The following ELFN1 variants were observed in gnomAD, a reference collection of about 807,000 sequenced individuals.
ELFN1 encodes the protein protein ELFN1.
In ELFN1, 6 loss-of-function variants were observed where a neutral mutation model predicts 7.6. The observed-to-expected ratio is 0.79, with a 90% CI of 0.43 to 1.56. The LOEUF (loss-of-function observed/expected upper bound fraction) is 1.56. Among genes scored for constraint, ELFN1 ranks in the 40% most tolerant of loss-of-function variants. The probability of loss-of-function intolerance (pLI) is 0.01; values close to 1 mark genes in which losing one functional copy is unlikely to be tolerated. For missense variants in ELFN1, 1,169 were observed against 1,232.2 expected (o/e 0.95, Z 0.77); for synonymous variants, 657 against 588.1 (o/e 1.12, Z -1.70).
chr7:1,738,562 C>T (rs1272452105), intron 3 of ELFN1: 1 of 152,244 alleles, frequency 6.6e-6, no homozygotes, highest in African/African-American at 2.4e-5. Context: ...ATGATTGTAC[C>T]ACTGCACTCC....
chr7:1,737,981 C>G (rs1780496677), intron 3 of ELFN1, among the ~76,000 whole-genome samples: 1 of 152,236 alleles, frequency 6.6e-6, no homozygotes, highest in East Asian at 1.9e-4. Context: ...AGAGCTGTCC[C>G]AAGGTGGAAG....
upstream of ELFN1, among the ~76,000 whole-genome samples, chr7:1,668,267 G>T (rs1219628676): frequency 6.6e-6 from 1 of 152,362 alleles, no homozygotes; most frequent in East Asian, 1.9e-4. Context: ...CGAGGAAATG[G>T]ACTCATCATG....
At chr7:1,676,200 G>A (rs924631021) in intron 1 of ELFN1, among the ~76,000 whole-genome samples, 33 of 152,324 alleles carry the variant, frequency 2.2e-4, no homozygotes, top group Non-Finnish European at 1.6e-4. Context: ...CCCCCAGTCT[G>A]TTGTCTCCCT....
chr7:1,712,834 T>G (rs1779701789), intron 3 of ELFN1, among the ~76,000 whole-genome samples: 2 of 152,352 alleles, frequency 1.3e-5, no homozygotes, highest in Non-Finnish European at 2.9e-5. Flanking sequence ...CTTTTATCTC[T>G]TATCTTTTAT....
rs1780412542 is a variant in ELFN1, at chr7:1,735,209, C to A, written c.-293-9095C>A. ...GCACACCGGCGGACCGTCGAGGAAA[C>A]AGGAGCTTTTCTCTGTTGCACACTT... On this transcript the variant is annotated intron_variant, in intron 3 of 3. Coordinates refer to ENST00000424383, the MANE Select transcript of ELFN1 (RefSeq NM_001128636.4). The surrounding 1 kb of genome is among the most constrained non-coding windows in gnomAD (Gnocchi z 5.9). Among the ~76,000 whole-genome samples, 1 of 152,202 alleles carries A rather than the reference C, an allele frequency of 6.6e-6. No homozygotes were observed. The highest frequency in any genetic ancestry group is 1.5e-5 in the Non-Finnish European group (1 of 68,038).
chr7:1,707,371 C>T (rs1012001810), intron 2 of ELFN1, among the ~76,000 whole-genome samples: 43 of 152,258 alleles, frequency 2.8e-4, no homozygotes, highest in African/African-American at 8.0e-4. Flanking sequence ...GCTGGGTATA[C>T]AGTAGGCACT....
chr7:1,674,996 A>G (rs907959769), intron 1 of ELFN1, among the ~76,000 whole-genome samples: 5 of 104,302 alleles, frequency 4.8e-5, no homozygotes, highest in Non-Finnish European at 9.4e-5. Context: ...AGGCAGTGGT[A>G]TCTGGGCTCA....
chr7:1,698,997 G>A (rs1779371449), intron 2 of ELFN1, among the ~76,000 whole-genome samples: 1 of 152,204 alleles, frequency 6.6e-6, no homozygotes, highest in South Asian at 2.1e-4. Flanking sequence ...CGGCATAGCT[G>A]AATTTTGCCT....
intron 3 of ELFN1, among the ~76,000 whole-genome samples, chr7:1,725,776 C>G (rs1780174529): frequency 1.3e-5 from 2 of 152,156 alleles, no homozygotes; most frequent in South Asian, 4.1e-4. Context: ...GGCCAGAGAA[C>G]ATGCCCACAC....
chr7:1,667,492 C>A (rs920844184), upstream of ELFN1, among the ~76,000 whole-genome samples: 2 of 152,142 alleles, frequency 1.3e-5, no homozygotes, highest in African/African-American at 2.4e-5. The surrounding 1 kb of genome is among the most constrained non-coding windows in gnomAD (Gnocchi z 8.2). Flanking sequence ...CCGGCGTCCC[C>A]CCTTCAGCGT....
In ELFN1 at chr7:1,681,644, C is replaced by T. The variant is rs961182551; in HGVS notation, c.-548-6414C>T. On this transcript the variant is annotated intron_variant, in intron 1 of 3. Coordinates refer to ENST00000424383, the MANE Select transcript of ELFN1 (RefSeq NM_001128636.4). ...CTCCCAAAGTGTGTGCCACTGTGCC[C>T]GGCCATATTTAAATTCTTAACAAGC... is the stretch of plus-strand genomic sequence containing the variant. Among the ~76,000 whole-genome samples, 13 of 152,274 alleles carry T rather than the reference C, an allele frequency of 8.5e-5. No homozygotes were observed. In the East Asian group the frequency reaches 1.4e-3, roughly 16 times the overall value.
rs1172882699 is a variant in ELFN1, at chr7:1,746,246, T to C, written c.1650T>C (p.Ser550=). The C allele has an allele frequency of 2.8e-6, 4 of 1,413,378 alleles. No homozygotes were observed. Among genetic ancestry groups the C allele is most frequent in the African/African-American group, 1.9e-5 (1 of 53,320 alleles). 87.6% of individuals were successfully genotyped at this position (1,413,378 alleles called of 1,614,324 possible). A position where few individuals can be genotyped will look rare whatever the true frequency, so the allele number is the denominator to read the frequency against. ...ELGRPGPDSQ[S]SVAEISTIAK... is the part of the protein sequence containing the mutation. The stretch of plus-strand genomic sequence containing the variant: ...GCCGGCCGGGCCCCGACAGCCAGAG[T>C]TCGGTGGCCGAGATCTCCACCATCG... Residue 550 remains serine (S), a synonymous_variant, in exon 4 of 4, where the codon AGT becomes AGC. Transcript: ENST00000424383.
chr7:1,706,940 GT>G (rs1779544267), intron 2 of ELFN1, among the ~76,000 whole-genome samples: 2 of 152,186 alleles, frequency 1.3e-5, no homozygotes, highest in African/African-American at 4.8e-5. Flanking sequence ...GGGTGTGCCT[GT>G]GTCATTGAGT....
intron 2 of ELFN1, among the ~76,000 whole-genome samples, chr7:1,704,274 A>G (rs1170117749): frequency 2.0e-5 from 3 of 152,122 alleles, no homozygotes; most frequent in African/African-American, 7.2e-5. Context: ...GCACCGATGG[A>G]GGCCATACTC....
chr7:1,669,683 A>G (rs1778722152), upstream of ELFN1, among the ~76,000 whole-genome samples: 1 of 152,226 alleles, frequency 6.6e-6, no homozygotes, highest in South Asian at 2.1e-4. Flanking sequence ...GAATGAAGGA[A>G]GGAAGCGGGG....
intron 1 of ELFN1, among the ~76,000 whole-genome samples, chr7:1,686,317 T>G (rs1299694043): frequency 6.7e-6 from 1 of 149,612 alleles, no homozygotes; most frequent in East Asian, 1.9e-4. Context: ...CCTTGTTTTT[T>G]TTTTTTTTTT....
intron 1 of ELFN1, among the ~76,000 whole-genome samples, chr7:1,674,584 C>A (rs1778831040): frequency 6.6e-6 from 1 of 152,082 alleles, no homozygotes; most frequent in Non-Finnish European, 1.5e-5. Context: ...GTGTGAGGCC[C>A]CCAGAGCAGT....
upstream of ELFN1, among the ~76,000 whole-genome samples, chr7:1,668,090 G>C (rs1778699531): frequency 6.6e-6 from 1 of 152,162 alleles, no homozygotes; most frequent in African/African-American, 2.4e-5. Flanking sequence ...CAGGTTGCGG[G>C]ATCTCGCCTC....
chr7:1,708,518 A>C (rs76209641), intron 2 of ELFN1, among the ~76,000 whole-genome samples: 43,712 of 151,980 alleles, frequency 0.29, 7,011 homozygotes, highest in African/African-American at 0.43. Context: ...CATTTGGCAT[A>C]CTCTGCTCCC....
Sources: allele counts gnomAD v4.1 joint callset (sites outside exome capture counted in the v4.1 genomes callset), GRCh38; gene constraint gnomAD v4.1.1; non-coding constraint Gnocchi (gnomAD v3.1); transcripts MANE v1.5; gene names NCBI Gene and HGNC (gene_info 2026-07-23, HGNC 2026-07-21).